The following COG5 variants were observed in gnomAD, a reference collection of about 807,000 sequenced individuals.
COG5 encodes the protein component of oligomeric golgi complex 5.
Under a neutral mutation model 110.4 loss-of-function variants are expected in COG5, and 86 were observed. That is an observed-to-expected ratio of 0.78 (90% CI 0.65 to 0.93). The LOEUF (loss-of-function observed/expected upper bound fraction) is 0.93, where lower values mean the gene tolerates loss of function less well. Ranked by LOEUF, COG5 falls within the 40% of genes least tolerant of loss-of-function variation. COG5 has a pLI of 0.00. For missense variants in COG5, 1,077 were observed against 987.0 expected, an observed-to-expected ratio of 1.09 and a Z score of -1.22; for synonymous variants, 360 against 334.6, an observed-to-expected ratio of 1.08 and a Z score of -0.83.
At chr7:107,329,907 A>C (rs970428941) in intron 10 of COG5, among the ~76,000 whole-genome samples, 1 of 152,224 alleles carries the variant, frequency 6.6e-6, no homozygotes, top group Non-Finnish European at 1.5e-5. Flanking sequence ...AGAAAACAAA[A>C]ACAAAATTTT....
At chr7:107,448,796 C>G (rs192395642) in intron 6 of COG5, among the ~76,000 whole-genome samples, 31 of 152,022 alleles carry the variant, frequency 2.0e-4, no homozygotes, top group Admixed American at 1.6e-3. Flanking sequence ...TTTTGGAGAT[C>G]TGATGCAACA....
In COG5 at chr7:107,281,501, T is replaced by C. The variant is rs564545842; in HGVS notation, c.1476-102A>G. ...AACCCAATAAGCAATGTGGTTATTCTTTTTATAGATTTCACTGCTTCCAAG... is the reference window on the plus strand; with the variant it reads ...AACCCAATAAGCAATGTGGTTATTCCTTTTATAGATTTCACTGCTTCCAAG... On this transcript the variant is annotated intron_variant, in intron 13 of 21. Coordinates refer to ENST00000297135, the MANE Select transcript of COG5 (RefSeq NM_006348.5). 57 of 829,056 alleles carry C rather than the reference T, an allele frequency of 6.9e-5. 1 individual carries two copies. In the South Asian group the frequency reaches 7.6e-4, roughly 11 times the overall value. 51.4% of individuals were successfully genotyped at this position (829,056 alleles called of 1,614,324 possible). A position where few individuals can be genotyped will look rare whatever the true frequency, so the allele number is the denominator to read the frequency against.
chr7:107,221,413 A>G (rs1022610903), intron 19 of COG5, among the ~76,000 whole-genome samples: 1 of 152,136 alleles, frequency 6.6e-6, no homozygotes, highest in African/African-American at 2.4e-5. Context: ...TACTTCCCGT[A>G]TGAAGCTCTC....
At chr7:107,329,352 A>C (rs959997777) in intron 10 of COG5, among the ~76,000 whole-genome samples, 4 of 151,622 alleles carry the variant, frequency 2.6e-5, no homozygotes, top group Admixed American at 6.6e-5. Context: ...AGGGAATGGG[A>C]AAGTATAGAA....
chr7:107,427,857 G>A (rs1270828009), intron 6 of COG5, among the ~76,000 whole-genome samples: 4 of 152,180 alleles, frequency 2.6e-5, no homozygotes, highest in African/African-American at 7.2e-5. Flanking sequence ...GAAGGGCAGA[G>A]AAGAGTGTTA....
At position 107,344,802 on chromosome 7, in the gene COG5, G is replaced by A. The variant is rs547345582; in HGVS notation, c.1026+17231C>T. ...GCCTCCCAAAGTGCCGGGATTACAG[G>A]CGTGACCCACCGCGCCTGGCCGACT... is the stretch of plus-strand genomic sequence containing the variant. On this transcript the variant is annotated intron_variant, in intron 10 of 21. Coordinates refer to ENST00000297135, the MANE Select transcript of COG5 (RefSeq NM_006348.5). Among the ~76,000 whole-genome samples, 4 of 152,290 alleles carry A rather than the reference G, an allele frequency of 2.6e-5. No individual in the cohort carries two copies. The South Asian group carries it at 8.3e-4, about 32-fold the overall frequency.
intron 10 of COG5, among the ~76,000 whole-genome samples, chr7:107,348,331 A>G (rs555191219): frequency 8.6e-5 from 13 of 152,042 alleles, no homozygotes; most frequent in Non-Finnish European, 1.6e-4. Flanking sequence ...AGTTTCACAG[A>G]AAGAGTTGGG....
rs963244186 is a variant in COG5 at position 107,548,038 on chromosome 7, T to C, written c.417+73A>G. The C allele has an allele frequency of 1.7e-5, 21 of 1,243,146 alleles. No individual in the cohort carries two copies. The African/African-American group carries it at 2.1e-4, about 13-fold the overall frequency. 77.0% of individuals were successfully genotyped at this position (1,243,146 alleles called of 1,614,324 possible). A position where few individuals can be genotyped will look rare whatever the true frequency, so the allele number is the denominator to read the frequency against. On this transcript the variant is annotated intron_variant, in intron 5 of 21. Coordinates refer to ENST00000297135, the MANE Select transcript of COG5 (RefSeq NM_006348.5). ...CATTCTCTTACTTCTTCCAAACTCA[T>C]ACTCTTAAATTTTGTCCACTTATGA...
intron 7 of COG5, among the ~76,000 whole-genome samples, chr7:107,386,601 G>T (rs1161229038): frequency 1.3e-5 from 2 of 152,174 alleles, no homozygotes; most frequent in East Asian, 3.8e-4. Context: ...TGGGACAACA[G>T]TTATCAGCTC....
intron 7 of COG5, among the ~76,000 whole-genome samples, chr7:107,390,020 C>T (rs1790504576): frequency 6.6e-6 from 1 of 152,294 alleles, no homozygotes; most frequent in South Asian, 2.1e-4. Context: ...CAAGAACAGG[C>T]TTGGTTCAAC....
intron 3 of COG5, among the ~76,000 whole-genome samples, chr7:107,551,448 TA>T (rs1467642795): frequency 6.6e-6 from 1 of 152,152 alleles, no homozygotes; most frequent in Admixed American, 6.5e-5. Context: ...ACTTACATGC[TA>T]AAAAAATTTT....
intron 21 of COG5, chr7:107,208,297 T>A: frequency 1.0e-6 from 1 of 985,408 alleles, no homozygotes; most frequent in South Asian, 4.7e-5. Context: ...TGATTTTCAG[T>A]TGCTAAATAT....
Position 107,504,035 on chromosome 7 carries a change from T to C in COG5, c.538+23202A>G, listed in dbSNP as rs58218888. ...AGGACTAGGACTTCCAGTACTATGT[T>C]GAATAGAAGTGATCAAAGTGGGCAT... is the stretch of plus-strand genomic sequence containing the variant. On this transcript the variant is annotated intron_variant, in intron 6 of 21. Coordinates refer to ENST00000297135, the MANE Select transcript of COG5 (RefSeq NM_006348.5). 2.0e-5 allele frequency among the ~76,000 whole-genome samples: 3 copies of C among 152,288 alleles called. No homozygotes were observed. The South Asian group carries it at 6.2e-4, about 32-fold the overall frequency.
intron 6 of COG5, among the ~76,000 whole-genome samples, chr7:107,464,379 A>C (rs1563050207): frequency 1.3e-5 from 2 of 152,122 alleles, no homozygotes; most frequent in Non-Finnish European, 2.9e-5. Flanking sequence ...CAGCCTAGAG[A>C]GTGAGCAATA....
chr7:107,226,372 A>G (rs1238608790), intron 19 of COG5, among the ~76,000 whole-genome samples: 3 of 152,312 alleles, frequency 2.0e-5, no homozygotes, highest in Admixed American at 1.3e-4. Flanking sequence ...ACATATTAAT[A>G]AGAGTAAGCT....
chr7:107,523,094 T>G (rs549441998), intron 6 of COG5, among the ~76,000 whole-genome samples: 9 of 152,322 alleles, frequency 5.9e-5, no homozygotes, highest in African/African-American at 2.2e-4. Flanking sequence ...ATAGATCAAG[T>G]TGGGAAGAAC....
chr7:107,333,716 A>C (rs1338369442), intron 10 of COG5, among the ~76,000 whole-genome samples: 1 of 152,078 alleles, frequency 6.6e-6, no homozygotes, highest in Non-Finnish European at 1.5e-5. Flanking sequence ...TGATGTTTCT[A>C]TTATTCTTTT....
chr7:107,362,728 T>A (rs895444059), intron 8 of COG5, among the ~76,000 whole-genome samples: 4 of 151,872 alleles, frequency 2.6e-5, no homozygotes, highest in African/African-American at 4.8e-5. Flanking sequence ...ACCACTCTCA[T>A]GCCTCTTGTA....
chr7:107,469,665 C>T (rs1323625569), intron 6 of COG5, among the ~76,000 whole-genome samples: 1 of 152,030 alleles, frequency 6.6e-6, no homozygotes, highest in Admixed American at 6.6e-5. Flanking sequence ...ATTTGTAGAA[C>T]AAAGAATCTC....
Sources: gnomAD v4.1 joint callset for allele counts (sites outside exome capture counted in the v4.1 genomes callset) on GRCh38, gnomAD v4.1.1 for gene constraint, MANE v1.5 for transcripts, NCBI Gene and HGNC (gene_info 2026-07-23, HGNC 2026-07-21) for gene names.